PDE6A: variants seen among roughly 807,000 people sequenced by gnomAD.
PDE6A encodes phosphodiesterase 6A, also known as rod cGMP-specific 3',5'-cyclic phosphodiesterase subunit alpha.
A neutral mutation model predicts 106.3 loss-of-function variants in PDE6A; 84 were observed. The ratio of observed to expected loss-of-function variants is 0.79; its 90% CI spans 0.66 to 0.95. The LOEUF (loss-of-function observed/expected upper bound fraction) is 0.95, where lower values mean the gene tolerates loss of function less well. Among genes scored for constraint, PDE6A ranks in the 40% least tolerant of loss-of-function variants. PDE6A has a pLI of 0.00. For missense variants in PDE6A, 1,052 were observed against 1,084.9 expected (o/e 0.97, Z 0.43); for synonymous variants, 394 against 386.6 (o/e 1.02, Z -0.23).
intron 8 of PDE6A, among the ~76,000 whole-genome samples, chr5:149,900,375 G>GTATATATATATATATATATATATATA (rs55680278): frequency 0.014 from 1,152 of 82,384 alleles, 105 homozygotes; most frequent in East Asian, 0.033. Context: ...AAATATATAT[G>GTATATATATATATATATATATATATA]TATATATATA....
intron 17 of PDE6A, among the ~76,000 whole-genome samples, chr5:149,870,846 A>G (rs936916422): frequency 1.3e-5 from 2 of 149,266 alleles, no homozygotes; most frequent in Non-Finnish European, 2.9e-5. Flanking sequence ...AGGTGAAAAA[A>G]GAAGAAGAAA....
At chr5:149,905,111 CT>C (rs1191942187) in intron 7 of PDE6A, among the ~76,000 whole-genome samples, 1 of 152,170 alleles carries the variant, frequency 6.6e-6, no homozygotes, top group Non-Finnish European at 1.5e-5. Flanking sequence ...CCTGTTGAAA[CT>C]TTCCACTTCC....
At chr5:149,929,869 A>G (rs1753979757) in intron 4 of PDE6A, among the ~76,000 whole-genome samples, 1 of 152,132 alleles carries the variant, frequency 6.6e-6, no homozygotes, top group African/African-American at 2.4e-5. Flanking sequence ...TTGAACTGTT[A>G]TATCAGCAGC....
intron 13 of PDE6A, among the ~76,000 whole-genome samples, chr5:149,890,505 A>G (rs1439178541): frequency 2.6e-5 from 4 of 152,250 alleles, no homozygotes; most frequent in Admixed American, 2.0e-4. Context: ...TAAAATTCAT[A>G]GAAATCTAGT....
chr5:149,917,917 C>T (rs766568362), intron 5 of PDE6A, among the ~76,000 whole-genome samples: 1 of 152,142 alleles, frequency 6.6e-6, no homozygotes, highest in South Asian at 2.1e-4. Context: ...AGAGTCCCTG[C>T]CCCTTTGTTC....
At position 149,944,303 on chromosome 5, in the gene PDE6A, C is replaced by T. The variant is rs1278658129; in HGVS notation, c.371G>A (p.Cys124Tyr). The stretch of plus-strand genomic sequence containing the variant: ...GATCTCTTGGTCGGGCATCACCAGG[C>T]AGTCCTCGAGGACAGCATCCTTGTG... ...NVHKDAVLED[C>Y]LVMPDQEIVF... The change falls in exon 1 of 22, where the codon TGC (cysteine) becomes TAC (tyrosine). Residue 124 changes from cysteine to tyrosine, a missense_variant. By Grantham distance (194) the Cys-to-Tyr change is radical (BLOSUM62 -2). This residue lies in a region of PDE6A where 913 missense variants were observed against 915.2 expected (regional missense o/e 1.00). Transcript: ENST00000255266. 1 of 1,614,066 alleles carries T rather than the reference C, an allele frequency of 6.2e-7. No individual in the cohort carries two copies. The highest frequency in any genetic ancestry group is 1.1e-5 in the South Asian group (1 of 91,074).
chr5:149,920,979 A>AAAGAAAGC (rs1554091253), intron 5 of PDE6A, among the ~76,000 whole-genome samples: 1 of 133,038 alleles, frequency 7.5e-6, no homozygotes, highest in Non-Finnish European at 1.5e-5. Flanking sequence ...AGAAAGAAAG[A>AAAGAAAGC]AAGAAAGAAA....
At chr5:149,873,568 G>A (rs1354299728) in intron 17 of PDE6A, among the ~76,000 whole-genome samples, 1 of 152,138 alleles carries the variant, frequency 6.6e-6, no homozygotes, top group African/African-American at 2.4e-5. Flanking sequence ...CTGGCCTCAA[G>A]TGATCCGCCC....
intron 8 of PDE6A, among the ~76,000 whole-genome samples, chr5:149,900,375 G>GTATATATATAGATATATATA (rs1752924989): frequency 1.2e-5 from 1 of 82,584 alleles, no homozygotes; most frequent in African/African-American, 3.8e-5. Flanking sequence ...AAATATATAT[G>GTATATATATAGATATATATA]TATATATATA....
At chr5:149,928,932 T>C (rs1235806096) in intron 4 of PDE6A, among the ~76,000 whole-genome samples, 1 of 152,178 alleles carries the variant, frequency 6.6e-6, no homozygotes, top group East Asian at 1.9e-4. Flanking sequence ...GAATTTATGT[T>C]GATAACAAAA....
At chr5:149,886,811 C>A (rs576843475) in intron 13 of PDE6A, among the ~76,000 whole-genome samples, 1 of 152,298 alleles carries the variant, frequency 6.6e-6, no homozygotes, top group Admixed American at 6.5e-5. Context: ...TTAAGCACAG[C>A]CTGGAGGAAT....
chr5:149,884,374 GTGTGTATATATA>G, intron 16 of PDE6A, 93 bp downstream of exon 16: 3 of 721,790 alleles, frequency 4.2e-6, no homozygotes, highest in South Asian at 3.1e-5. Context: ...ATGTATATAT[GTGTGTATATATA>G]TGTGTATATA....
At chr5:149,928,707 G>A (rs1046291216) in intron 4 of PDE6A, among the ~76,000 whole-genome samples, 16 of 152,136 alleles carry the variant, frequency 1.1e-4, no homozygotes, top group Non-Finnish European at 1.5e-5. Flanking sequence ...TGATCAAAAT[G>A]TTGTTATATG....
At chr5:149,938,692 C>G (rs939307745) in intron 1 of PDE6A, among the ~76,000 whole-genome samples, 3 of 152,104 alleles carry the variant, frequency 2.0e-5, no homozygotes, top group African/African-American at 4.8e-5. Context: ...GTAACTGTGT[C>G]CAAAATATTG....
Position 149,886,414 on chromosome 5 carries a change from A to G in PDE6A, c.1729-40T>C, listed in dbSNP as rs755789997. 2.0e-5 allele frequency: 29 copies of G among 1,483,298 alleles called. No individual in the cohort carries two copies. In the East Asian group the frequency reaches 5.9e-4, roughly 30 times the overall value. The allele number at this position is 1,483,298 out of a possible 1,614,324, so 91.9% of individuals were successfully genotyped here. A position where few individuals can be genotyped will look rare whatever the true frequency, so the allele number is the denominator to read the frequency against. On this transcript the variant is annotated intron_variant, in intron 13 of 21. Transcript: ENST00000255266. ...AGAGTGCAAATCATTCCTTTTGTGT[A>G]GGGGCTGGAAGCAGGGCTGAAAAGG...
intron 19 of PDE6A, 27 bp from the exon 20 acceptor site, chr5:149,866,280 G>A (rs1581147527): frequency 6.6e-7 from 1 of 1,513,428 alleles, no homozygotes; most frequent in Non-Finnish European, 9.2e-7. Flanking sequence ...AGAGTTAATT[G>A]CACTGGACAG....
rs542046639 is a variant in PDE6A at position 149,900,928 on chromosome 5, T to A, written c.1114-1404A>T. Among the ~76,000 whole-genome samples, 3 of 152,260 alleles carry A rather than the reference T, an allele frequency of 2.0e-5. No homozygotes were observed. In the South Asian group the frequency reaches 6.2e-4, roughly 32 times the overall value. The stretch of plus-strand genomic sequence containing the variant: ...TTGATTCAACCTATGTTTTTTGTTT[T>A]TTGTTGAGACGGAGTTTTGCTCTGT... On this transcript the variant is annotated intron_variant, in intron 8 of 21. Coordinates refer to ENST00000255266, the MANE Select transcript of PDE6A (RefSeq NM_000440.3).
intron 13 of PDE6A, 125 bp from the exon 14 acceptor site, chr5:149,886,499 C>CTGGCTGGAGCCT (rs1477521797): frequency 1.3e-6 from 1 of 744,046 alleles, no homozygotes; most frequent in Non-Finnish European, 2.4e-6. Flanking sequence ...TGGCTGTATC[C>CTGGCTGGAGCCT]TGGCTCCAGA....
chr5:149,906,530 A>AAAAAAAAAAAAAAAAAAAAAAAAG (rs1753194131), intron 7 of PDE6A, among the ~76,000 whole-genome samples: 1 of 148,466 alleles, frequency 6.7e-6, no homozygotes, highest in African/African-American at 2.5e-5. Flanking sequence ...AAAAAAAAAA[A>AAAAAAAAAAAAAAAAAAAAAAAAG]AAAAAAAATC....
Sources: allele counts gnomAD v4.1 joint callset (sites outside exome capture counted in the v4.1 genomes callset), GRCh38; gene constraint gnomAD v4.1.1; regional missense constraint gnomAD v4.1.1; transcripts MANE v1.5; gene names NCBI Gene and HGNC (gene_info 2026-07-23, HGNC 2026-07-21).